The following USH2A variants were observed in gnomAD, a reference collection of about 807,000 sequenced individuals.
USH2A encodes usherin, also known as Usher syndrome 2A (autosomal recessive, mild).
In USH2A, 443 loss-of-function variants were observed where a neutral mutation model predicts 538.9. The ratio of observed to expected loss-of-function variants is 0.82; its 90% confidence interval spans 0.76 to 0.89. The LOEUF is 0.89. Among genes scored for constraint, USH2A ranks in the 40% least tolerant of loss-of-function variants. The pLI, the probability that USH2A is intolerant of heterozygous loss-of-function variation, is 0.00. For missense variants in USH2A, 6,633 were observed against 6,324.8 expected (o/e 1.05, Z -1.65); for synonymous variants, 2,413 against 2,273.5 (o/e 1.06, Z -1.75).
At chr1:215,640,823 A>C in intron 67 of USH2A, 89 bp from the exon 68 acceptor site, 1 of 1,294,932 alleles carries the variant, frequency 7.7e-7, no homozygotes, top group Non-Finnish European at 1.1e-6. Flanking sequence ...TATGAGCAAA[A>C]TCAAACCGAA....
chr1:215,815,595 G>T (rs1167019113), intron 48 of USH2A, among the ~76,000 whole-genome samples: 1 of 151,914 alleles, frequency 6.6e-6, no homozygotes, highest in Non-Finnish European at 1.5e-5. Flanking sequence ...ATAAAGAAAG[G>T]TAGGAGTAAT....
At chr1:215,649,193 AC>A (rs1656964061) in intron 65 of USH2A, among the ~76,000 whole-genome samples, 1 of 152,202 alleles carries the variant, frequency 6.6e-6, no homozygotes, top group South Asian at 2.1e-4. Flanking sequence ...TGCCATGGTT[AC>A]TTGCATGCAA....
At chr1:215,991,830 A>G (rs1668010589) in intron 35 of USH2A, among the ~76,000 whole-genome samples, 1 of 152,216 alleles carries the variant, frequency 6.6e-6, no homozygotes, top group Admixed American at 6.5e-5. Flanking sequence ...ATTTCACAGC[A>G]ATCCAATTGA....
intron 69 of USH2A, 139 bp from the exon 70 acceptor site, chr1:215,634,842 T>C: frequency 1.4e-6 from 2 of 1,411,892 alleles, no homozygotes; most frequent in Non-Finnish European, 2.0e-6. Context: ...TTTGCACTTG[T>C]GTGCAGCCTG....
intron 53 of USH2A, 101 bp downstream of exon 53, chr1:215,782,637 T>C (rs971433562): frequency 2.5e-6 from 3 of 1,210,034 alleles, no homozygotes; most frequent in African/African-American, 1.5e-5. Flanking sequence ...ACTTTTCTAG[T>C]GGTTAGATGC....
At chr1:216,153,726 A>C (rs1034088945) in intron 21 of USH2A, among the ~76,000 whole-genome samples, 9 of 152,170 alleles carry the variant, frequency 5.9e-5, no homozygotes, top group Admixed American at 1.3e-4. Context: ...GGGGAAAAAA[A>C]CCCTCAAAAT....
intron 49 of USH2A, among the ~76,000 whole-genome samples, chr1:215,809,176 C>T (rs376201187): frequency 3.3e-5 from 5 of 152,192 alleles, no homozygotes; most frequent in African/African-American, 7.2e-5. Context: ...AATGTAGTTG[C>T]CATATTTTTT....
chr1:216,054,702 G>A (rs1043253107), intron 30 of USH2A, among the ~76,000 whole-genome samples: 17 of 138,664 alleles, frequency 1.2e-4, no homozygotes, highest in African/African-American at 3.7e-4. Flanking sequence ...GTGTTTGGCC[G>A]GCATCCACTG....
intron 36 of USH2A, among the ~76,000 whole-genome samples, chr1:215,965,881 T>A (rs186384405): frequency 2.0e-5 from 3 of 151,394 alleles, no homozygotes; most frequent in Non-Finnish European, 1.5e-5. Flanking sequence ...CTGGCCTCTG[T>A]CAAAAAGCTA....
At chr1:216,248,523 G>A (rs1329041907) in intron 12 of USH2A, among the ~76,000 whole-genome samples, 1 of 151,650 alleles carries the variant, frequency 6.6e-6, no homozygotes, top group Non-Finnish European at 1.5e-5. Context: ...TTCCTAAACT[G>A]GAAGGAAATA....
At chr1:216,243,145 T>G (rs557329002) in intron 13 of USH2A, among the ~76,000 whole-genome samples, 29 of 152,282 alleles carry the variant, frequency 1.9e-4, no homozygotes, top group African/African-American at 7.0e-4. Flanking sequence ...TAGCATGTCC[T>G]TGGAAGGAAG....
chr1:216,071,888 G>A (rs1016430096), intron 29 of USH2A, among the ~76,000 whole-genome samples: 1 of 152,140 alleles, frequency 6.6e-6, no homozygotes, highest in Admixed American at 6.6e-5. Context: ...CTATAAATAG[G>A]TGATAATTTA....
intron 62 of USH2A, among the ~76,000 whole-genome samples, chr1:215,678,146 G>A (rs1658094016): frequency 6.6e-6 from 1 of 152,148 alleles, no homozygotes; most frequent in Non-Finnish European, 1.5e-5. Context: ...ATCTTTAATA[G>A]TTCTCAAACT....
At chr1:215,813,985 T>A (rs1662780254) in intron 48 of USH2A, 81 bp from the exon 49 acceptor site, 1 of 1,482,534 alleles carries the variant, frequency 6.7e-7, no homozygotes, top group East Asian at 2.4e-5. Context: ...AATATAATTA[T>A]TTTCTTGTAA....
intron 3 of USH2A, among the ~76,000 whole-genome samples, chr1:216,368,917 T>C (rs897981962): frequency 6.6e-6 from 1 of 152,192 alleles, no homozygotes; most frequent in South Asian, 2.1e-4. Context: ...AGCAAAACCA[T>C]TTTATGCATT....
chr1:215,678,996 C>T (rs192785093), intron 62 of USH2A, among the ~76,000 whole-genome samples: 18 of 152,226 alleles, frequency 1.2e-4, no homozygotes, highest in Admixed American at 3.3e-4. Context: ...GCCTTGGGGC[C>T]GTGATTTGGA....
chr1:216,419,691 T>C (rs143969173), intron 2 of USH2A, among the ~76,000 whole-genome samples: 9 of 152,214 alleles, frequency 5.9e-5, no homozygotes, highest in African/African-American at 1.9e-4. Flanking sequence ...TAGGATACAG[T>C]AGTCTCTCAA....
At chr1:216,155,396 G>GATAAC (rs2033918000) in intron 21 of USH2A, among the ~76,000 whole-genome samples, 1 of 152,118 alleles carries the variant, frequency 6.6e-6, no homozygotes, top group Admixed American at 6.5e-5. Context: ...TGCTCCTATA[G>GATAAC]ATAACATCAC....
At chr1:216,196,095 T>C (rs9661321) in intron 19 of USH2A, among the ~76,000 whole-genome samples, 8 of 152,190 alleles carry the variant, frequency 5.3e-5, no homozygotes, top group Non-Finnish European at 1.2e-4. Context: ...TAAGCTGTGA[T>C]AAATTCAATT....
Sources: gnomAD v4.1 joint callset for allele counts (sites outside exome capture counted in the v4.1 genomes callset) on GRCh38, gnomAD v4.1.1 for gene constraint, MANE v1.5 for transcripts, NCBI Gene and HGNC (gene_info 2026-07-23, HGNC 2026-07-21) for gene names.